Variants in CHST12 observed in about 807,000 individuals in gnomAD.
The protein encoded by CHST12 is carbohydrate (chondroitin 4) sulfotransferase 12.
CHST12 carries 23 observed loss-of-function variants against 27.9 expected under a neutral mutation model. The ratio of observed to expected loss-of-function variants is 0.82; its 90% CI spans 0.59 to 1.17. CHST12 has a LOEUF of 1.17. Among genes scored for constraint, CHST12 ranks in the 50% most tolerant of loss-of-function variants. CHST12 has a pLI of 0.00. For missense variants in CHST12, 682 were observed against 603.0 expected (o/e 1.13, Z -1.37); for synonymous variants, 322 against 273.0 (o/e 1.18, Z -1.77).
chr7:2,419,433 A>T (rs1468797565), intron 1 of CHST12, among the ~76,000 whole-genome samples: 1 of 148,874 alleles, frequency 6.7e-6, no homozygotes, highest in Non-Finnish European at 1.5e-5. Context: ...ATGGCTGGGC[A>T]TAGTGGCTTA....
chr7:2,422,149 GC>G (rs1781991246), intron 1 of CHST12, among the ~76,000 whole-genome samples: 1 of 152,124 alleles, frequency 6.6e-6, no homozygotes, highest in African/African-American at 2.4e-5. Flanking sequence ...TGACTCCCCT[GC>G]AGCTTCACTC....
Position 2,432,890 on chromosome 7 carries a change from C to A in CHST12, c.251C>A (p.Pro84His). ...LSAGVKQSDL[P>H]RKETEQPPAP... ...GCTGGCGTGAAGCAGAGCGACCTTC[C>A]CAGAAAGGAGACGGAGCAGCCGCCT... is the stretch of plus-strand genomic sequence containing the variant. Residue 84 changes from proline (P) to histidine (H), a missense_variant, in exon 2 of 2, where the codon CCC becomes CAC. Transcript: ENST00000618655. 1 of 1,613,502 alleles carries A rather than the reference C, an allele frequency of 6.2e-7. No homozygotes were observed. The highest frequency in any genetic ancestry group is 1.1e-5 in the South Asian group (1 of 91,088).
At position 2,447,043 on chromosome 7, in the gene CHST12, G is replaced by T. The variant is rs1178942291; in HGVS notation, c.*13159G>T. On this transcript the variant is annotated 3_prime_UTR_variant, in exon 2 of 2. Transcript: ENST00000618655. Reference sequence around the variant, plus strand: ...CCCTGGGTCCCAGCGATCCAGCCCTGATGTGCTGAGGGTGCAGGGCCCAGC... The same window carrying T: ...CCCTGGGTCCCAGCGATCCAGCCCTTATGTGCTGAGGGTGCAGGGCCCAGC... 6.6e-6 allele frequency: 1 copy of T among 152,332 alleles called. No individual in the cohort carries two copies. The highest frequency in any genetic ancestry group is 1.5e-5 in the Non-Finnish European group (1 of 68,114). The allele number at this position is 152,332 out of a possible 1,614,324, so 9.4% of individuals were successfully genotyped here. A position where few individuals can be genotyped will look rare whatever the true frequency, so the allele number is the denominator to read the frequency against.
At chr7:2,431,177 T>C (rs2115437330) in intron 1 of CHST12, among the ~76,000 whole-genome samples, 2 of 152,352 alleles carry the variant, frequency 1.3e-5, no homozygotes, top group Admixed American at 1.3e-4. Flanking sequence ...CTCTGTTGTT[T>C]GGTGCATACA....
chr7:2,434,118 C>CCGCT lies in CHST12; in HGVS notation c.*237_*238insTCGC, dbSNP rs56115960. On this transcript the variant is annotated 3_prime_UTR_variant, in exon 2 of 2. Transcript: ENST00000618655. ...CTCTCCCCTCCGCCCGCCCACCCGCCCGCCCGCTCGCCCGCTCGCCCGCTC... is the reference window on the plus strand; with the variant it reads ...CTCTCCCCTCCGCCCGCCCACCCGCCCGCTCGCCCGCTCGCCCGCTCGCCCGCTC... The CCGCT allele has an allele frequency of 1.5e-4, 52 of 353,610 alleles. 1 individual carries two copies. Among genetic ancestry groups the CCGCT allele is most frequent in the Non-Finnish European group, 1.9e-4 (37 of 198,730 alleles). The allele number at this position is 353,610 out of a possible 1,614,324, so 21.9% of individuals were successfully genotyped here.
chr7:2,424,506 T>C (rs1782055538), intron 1 of CHST12, among the ~76,000 whole-genome samples: 1 of 152,060 alleles, frequency 6.6e-6, no homozygotes, highest in Non-Finnish European at 1.5e-5. Flanking sequence ...GCAGATAGAC[T>C]CCGAGAAGCT....
Position 2,433,014 on chromosome 7 carries a change from G to A in CHST12, c.375G>A (p.Arg125=), listed in dbSNP as rs1285280007. ...PDQGRQQAER[R]SVLRGFCANS... The stretch of plus-strand genomic sequence containing the variant: ...AGGGCCGGCAGCAGGCGGAGCGGAG[G>A]AGCGTGCTGCGGGGCTTCTGCGCCA... The change falls in exon 2 of 2, where the codon AGG becomes AGA. Residue 125 remains arginine, a synonymous_variant. Coordinates refer to ENST00000618655, the MANE Select transcript of CHST12 (RefSeq NM_018641.5). The surrounding 1 kb of genome is among the most constrained non-coding windows in gnomAD (Gnocchi z 6.1). 5 of 1,610,934 alleles carry A rather than the reference G, an allele frequency of 3.1e-6. No homozygotes were observed. The African/African-American group carries it at 4.0e-5, about 13-fold the overall frequency.
intron 1 of CHST12, among the ~76,000 whole-genome samples, chr7:2,406,742 G>A (rs76716671): frequency 0.025 from 3,806 of 152,210 alleles, 146 homozygotes; most frequent in African/African-American, 0.082. Flanking sequence ...AACGAAGCCC[G>A]TCATTAATAA....
At position 2,446,797 on chromosome 7, in the gene CHST12, C is replaced by G. The variant is rs1782765086; in HGVS notation, c.*12913C>G. On this transcript the variant is annotated 3_prime_UTR_variant, in exon 2 of 2. Transcript: ENST00000618655. ...TGGTGAGTGCTGCAGCCCCGGGCCTCACATCCTGCCGTCCCTGTGGGAGAT... is the reference window on the plus strand; with the variant it reads ...TGGTGAGTGCTGCAGCCCCGGGCCTGACATCCTGCCGTCCCTGTGGGAGAT... 1 of 152,478 alleles carries G rather than the reference C, an allele frequency of 6.6e-6. No individual in the cohort carries two copies. Among genetic ancestry groups the G allele is most frequent in the Non-Finnish European group, 1.5e-5 (1 of 68,232 alleles). 9.4% of individuals were successfully genotyped at this position (152,478 alleles called of 1,614,324 possible). A position where few individuals can be genotyped will look rare whatever the true frequency, so the allele number is the denominator to read the frequency against.
rs559930657 is a variant in CHST12, at chr7:2,432,985, G to A, written c.346G>A (p.Asp116Asn). ...CCCGCGCGACGCCCGGCGCAGCCCA[G>A]ACCAGGGCCGGCAGCAGGCGGAGCG... ...WSPRDARRSP[D>N]QGRQQAERRS... The change falls in exon 2 of 2, where the codon GAC becomes AAC. Residue 116 changes from aspartate to asparagine, a missense_variant. By Grantham distance (23) the Asp-to-Asn change is conservative (BLOSUM62 1). Transcript: ENST00000618655. 5.9e-5 allele frequency: 95 copies of A among 1,610,228 alleles called. No homozygotes were observed. The South Asian group carries it at 1.0e-3, about 17-fold the overall frequency.
intron 1 of CHST12, among the ~76,000 whole-genome samples, chr7:2,404,362 C>T (rs976427800): frequency 6.6e-6 from 1 of 152,188 alleles, no homozygotes; most frequent in African/African-American, 2.4e-5. Context: ...AGCCTTGGCT[C>T]GGGCAGAGGC....
rs975991325 is a variant in CHST12 at position 2,448,279 on chromosome 7, G to C, written c.*14395G>C. 1.3e-5 allele frequency: 2 copies of C among 152,226 alleles called. No individual in the cohort carries two copies. Among genetic ancestry groups the C allele is most frequent in the African/African-American group, 4.8e-5 (2 of 41,414 alleles). The allele number at this position is 152,226 out of a possible 1,614,324, so 9.4% of individuals were successfully genotyped here. On this transcript the variant is annotated 3_prime_UTR_variant, in exon 2 of 2. Transcript: ENST00000618655. ...CGGCAGGTTGTCTCTGCCTCCCCTT[G>C]CACCCCTTGAATGGCGGGCTCCCTC...
chr7:2,411,490 C>CTTTTTT lies in CHST12; in HGVS notation c.-78+7830_-78+7835dup, dbSNP rs79743047. Among the ~76,000 whole-genome samples the CTTTTTT allele has an allele frequency of 1.5e-3, 129 of 87,536 alleles. 28 individuals carry two copies. Among genetic ancestry groups the CTTTTTT allele is most frequent in the Middle Eastern group, 0.02 (2 of 98 alleles). The allele number at this position is 87,536 out of a possible 152,430, so 57.4% of individuals were successfully genotyped here. On this transcript the variant is annotated intron_variant, in intron 1 of 1. Transcript: ENST00000618655. Reference sequence around the variant, plus strand: ...ATAATTTCTTTGAGTTAACTTAACTCTTTTTTTTTTTTTTTTTTGAGACGG... The same window carrying CTTTTTT: ...ATAATTTCTTTGAGTTAACTTAACTCTTTTTTTTTTTTTTTTTTTTTTTTGAGACGG...
intron 1 of CHST12, among the ~76,000 whole-genome samples, chr7:2,405,575 G>C (rs1461789673): frequency 6.6e-6 from 1 of 152,208 alleles, no homozygotes; most frequent in Middle Eastern, 3.2e-3. Flanking sequence ...TGAGAATATG[G>C]GAGGTGGGTT....
chr7:2,418,441 C>T (rs540416104), intron 1 of CHST12, among the ~76,000 whole-genome samples: 9 of 152,376 alleles, frequency 5.9e-5, no homozygotes, highest in Admixed American at 2.6e-4. Flanking sequence ...CAGCAGCCCA[C>T]GGTTGGTGTG....
At chr7:2,428,983 G>A (rs1031342923) in intron 1 of CHST12, among the ~76,000 whole-genome samples, 4 of 152,162 alleles carry the variant, frequency 2.6e-5, no homozygotes, top group Non-Finnish European at 5.9e-5. Context: ...CCCCCCATGC[G>A]TCCGTTTGTA....
Position 2,436,115 on chromosome 7 carries a change from C to G in CHST12, c.*2231C>G, listed in dbSNP as rs978253067. 5.9e-5 allele frequency: 9 copies of G among 152,262 alleles called. No homozygotes were observed. The highest frequency in any genetic ancestry group is 2.2e-4 in the African/African-American group (9 of 41,462). 9.4% of individuals were successfully genotyped at this position (152,262 alleles called of 1,614,324 possible). A position where few individuals can be genotyped will look rare whatever the true frequency, so the allele number is the denominator to read the frequency against. On this transcript the variant is annotated 3_prime_UTR_variant, in exon 2 of 2. Transcript: ENST00000618655. The stretch of plus-strand genomic sequence containing the variant: ...AGGCATGAGCCATCACACCTGGCCC[C>G]TCCAAGTTTTTTATTATGATAAAAA...
intron 1 of CHST12, among the ~76,000 whole-genome samples, chr7:2,424,723 C>T (rs1410314784): frequency 1.3e-5 from 2 of 152,200 alleles, no homozygotes; most frequent in Non-Finnish European, 2.9e-5. Flanking sequence ...GAGGTCAAGC[C>T]TGCTCCCCCT....
At position 2,435,913 on chromosome 7, in the gene CHST12, C is replaced by G. The variant is rs1051493445; in HGVS notation, c.*2029C>G. The G allele has an allele frequency of 8.5e-5, 13 of 152,342 alleles. No individual in the cohort carries two copies. Among genetic ancestry groups the G allele is most frequent in the African/African-American group, 3.1e-4 (13 of 41,458 alleles). 9.4% of individuals were successfully genotyped at this position (152,342 alleles called of 1,614,324 possible). ...CACTGCAGCTTCAACCTCCTGGGCT[C>G]AAGTGATCTTCCCATCTCAGACTCC... On this transcript the variant is annotated 3_prime_UTR_variant, in exon 2 of 2. Transcript: ENST00000618655.
Sources: allele counts gnomAD v4.1 joint callset (sites outside exome capture counted in the v4.1 genomes callset), GRCh38; gene constraint gnomAD v4.1.1; non-coding constraint Gnocchi (gnomAD v3.1); transcripts MANE v1.5; gene names NCBI Gene and HGNC (gene_info 2026-07-23, HGNC 2026-07-21).